The following HECTD4 variants were observed in gnomAD, a reference collection of about 807,000 sequenced individuals.
HECTD4 encodes the protein probable E3 ubiquitin-protein ligase HECTD4.
Under a neutral mutation model 471.5 loss-of-function variants are expected in HECTD4, and 114 were observed. The observed-to-expected ratio is 0.24, with a 90% CI of 0.21 to 0.28. The LOEUF is 0.28. Among genes scored for constraint, HECTD4 ranks in the 10% least tolerant of loss-of-function variants. The probability of loss-of-function intolerance (pLI) is 1.00; values close to 1 mark genes in which losing one functional copy is unlikely to be tolerated. For synonymous variants in HECTD4, 2,012 were observed against 2,256.0 expected (o/e 0.89, Z 3.07); for missense variants, 3,866 against 5,651.5 (o/e 0.68, Z 10.13).
chr12:112,289,580 GT>G (rs957492971), intron 7 of HECTD4, among the ~76,000 whole-genome samples: 19 of 151,368 alleles, frequency 1.3e-4, no homozygotes, highest in East Asian at 1.9e-4. Context: ...TAATGTTTAG[GT>G]TTTTTTTTCT....
intron 62 of HECTD4, among the ~76,000 whole-genome samples, chr12:112,182,495 G>A (rs2031713743): frequency 6.6e-6 from 1 of 152,140 alleles, no homozygotes. Flanking sequence ...GGACGGAACT[G>A]TTTCTTTCCC....
intron 1 of HECTD4, among the ~76,000 whole-genome samples, chr12:112,376,449 T>C (rs1302118701): frequency 6.6e-6 from 1 of 152,044 alleles, no homozygotes; most frequent in Non-Finnish European, 1.5e-5. Flanking sequence ...GGTTTCACCG[T>C]GTTAGCCAGG....
chr12:112,206,900 T>C (rs553126035), intron 52 of HECTD4, among the ~76,000 whole-genome samples: 1 of 152,196 alleles, frequency 6.6e-6, no homozygotes, highest in Non-Finnish European at 1.5e-5. Context: ...TTTTATTCAC[T>C]GGTCTTACTG....
chr12:112,300,512 T>A (rs2035142192), intron 7 of HECTD4, among the ~76,000 whole-genome samples: 1 of 152,192 alleles, frequency 6.6e-6, no homozygotes, highest in South Asian at 2.1e-4. Flanking sequence ...TGAAATTTCA[T>A]GATGGTGTGG....
At chr12:112,300,422 C>T (rs2035140408) in intron 7 of HECTD4, among the ~76,000 whole-genome samples, 1 of 151,896 alleles carries the variant, frequency 6.6e-6, no homozygotes, top group Non-Finnish European at 1.5e-5. Context: ...TAGCCTGGTG[C>T]TTTTCGAATT....
chr12:112,185,487 A>C lies in HECTD4; in HGVS notation c.9479T>G (p.Phe3160Cys). 1 of 1,543,518 alleles carries C rather than the reference A, an allele frequency of 6.5e-7. No homozygotes were observed. The change falls in exon 61 of 76, where the codon TTC becomes TGC. Residue 3160 changes from phenylalanine to cysteine, a missense_variant. By Grantham distance (205) the Phe-to-Cys change is radical (BLOSUM62 -2). Around this residue, in one of 16 missense-constraint regions of HECTD4, gnomAD observed 364 missense variants for 413.2 expected, o/e 0.88. Transcript: ENST00000682272. Reference protein sequence around the residue: ...LLQVVELLGNFLWTTDMAACV... With the variant: ...LLQVVELLGNCLWTTDMAACV... ...GGCTGCCATGTCCGTGGTCCACAAG[A>C]AGTTTCCTGAGGCAAATGAAAATAG... is the stretch of plus-strand genomic sequence containing the variant.
At chr12:112,298,261 T>C (rs1171303595) in intron 7 of HECTD4, among the ~76,000 whole-genome samples, 1 of 152,088 alleles carries the variant, frequency 6.6e-6, no homozygotes, top group Non-Finnish European at 1.5e-5. Flanking sequence ...AACGTATCTG[T>C]ATGCTGTGGT....
chr12:112,165,629 G>A (rs963712872), intron 72 of HECTD4, among the ~76,000 whole-genome samples: 16 of 151,388 alleles, frequency 1.1e-4, no homozygotes, highest in African/African-American at 2.7e-4. Context: ...GGGATTACAG[G>A]CGTGAGCCAC....
chr12:112,304,741 C>T (rs1040088700), intron 7 of HECTD4, among the ~76,000 whole-genome samples: 2 of 151,178 alleles, frequency 1.3e-5, no homozygotes, highest in African/African-American at 4.9e-5. Flanking sequence ...CAGACCAATT[C>T]AAAGATTCAC....
chr12:112,240,062 A>G lies in HECTD4; in HGVS notation c.4959-35T>C, dbSNP rs2033603333. ...AGAAACCAAAGCTCAGGCTTCCTGA[A>G]CCATGTCAAGAACAGTGGCTGAGCA... On this transcript the variant is annotated intron_variant, in intron 32 of 75. Coordinates refer to ENST00000682272, the MANE Select transcript of HECTD4 (RefSeq NM_001388303.1). 4 of 1,610,596 alleles carry G rather than the reference A, an allele frequency of 2.5e-6. No individual in the cohort carries two copies. The South Asian group carries it at 4.4e-5, about 18-fold the overall frequency.
intron 2 of HECTD4, among the ~76,000 whole-genome samples, chr12:112,315,816 A>G (rs2035466667): frequency 6.6e-6 from 1 of 151,314 alleles, no homozygotes. Context: ...GGATTGCTTG[A>G]ACACAGGAGT....
chr12:112,234,912 T>A (rs1386891898), intron 37 of HECTD4, among the ~76,000 whole-genome samples, 165 bp downstream of exon 37: 2 of 152,222 alleles, frequency 1.3e-5, no homozygotes, highest in African/African-American at 4.8e-5. Flanking sequence ...CAGCTCTGCC[T>A]CAGTTTCTTT....
At chr12:112,237,163 G>A in intron 34 of HECTD4, 65 bp from the exon 35 acceptor site, 1 of 1,439,914 alleles carries the variant, frequency 6.9e-7, no homozygotes, top group East Asian at 2.5e-5. Flanking sequence ...GTGAGCCTGA[G>A]GGGGCGGCGA....
At chr12:112,180,414 C>T (rs1330125744) in intron 62 of HECTD4, among the ~76,000 whole-genome samples, 2 of 151,940 alleles carry the variant, frequency 1.3e-5, no homozygotes, top group Non-Finnish European at 2.9e-5. Flanking sequence ...GTGTGCCTGT[C>T]TTCTCAGCTA....
intron 1 of HECTD4, among the ~76,000 whole-genome samples, chr12:112,367,895 C>T (rs1007273369): frequency 3.3e-5 from 5 of 150,758 alleles, no homozygotes; most frequent in Non-Finnish European, 5.9e-5. Context: ...CTACTCTGCC[C>T]CATAAATAGC....
At position 112,167,935 on chromosome 12, in the gene HECTD4, C is replaced by T. The variant is rs2031043627; in HGVS notation, c.12209-18G>A. 2.5e-6 allele frequency: 4 copies of T among 1,600,470 alleles called. No homozygotes were observed. In the South Asian group the frequency reaches 3.3e-5, roughly 13 times the overall value. On this transcript the variant is annotated intron_variant, in intron 70 of 75. Coordinates refer to ENST00000682272, the MANE Select transcript of HECTD4 (RefSeq NM_001388303.1). Reference sequence around the variant, plus strand: ...AGAGCCGCCTGTAGGACAGACGAGACACATGGGCACCTGGGGTGTCCCGGC... The same window carrying T: ...AGAGCCGCCTGTAGGACAGACGAGATACATGGGCACCTGGGGTGTCCCGGC...
At position 112,162,527 on chromosome 12, in the gene HECTD4, C is replaced by A. The variant is rs2030728561; in HGVS notation, c.13121-4G>T. On this transcript the variant is annotated splice_region_variant and splice_polypyrimidine_tract_variant and intron_variant, in intron 75 of 75. Transcript: ENST00000682272. The surrounding 1 kb of genome is among the most constrained non-coding windows in gnomAD (Gnocchi z 5.2). ...ATGTAGCGAGAGTCTGGGGAACCTA[C>A]AAGAAACCGAGCCAGCATCAGAGGG... The A allele has an allele frequency of 6.2e-7, 1 of 1,613,834 alleles. No homozygotes were observed. The highest frequency in any genetic ancestry group is 1.1e-5 in the South Asian group (1 of 91,082).
At chr12:112,168,928 G>A (rs772182606) in intron 70 of HECTD4, among the ~76,000 whole-genome samples, 5 of 152,322 alleles carry the variant, frequency 3.3e-5, no homozygotes, top group South Asian at 4.1e-4. Flanking sequence ...AGGCAGCTGC[G>A]TTCCCGTGGG....
In HECTD4 at chr12:112,265,903, C is replaced by G; in HGVS notation, c.2473G>C (p.Gly825Arg). The part of the protein sequence containing the change: ...LAEQLQNNRF[G>R]SDEDDHYRLN... ...CTGTAATGATCATCCTCATCACTGC[C>G]AAATCGGTTGTTTTGGAGCTGTTCA... is the stretch of plus-strand genomic sequence containing the variant. The change falls in exon 15 of 76, where the codon GGC becomes CGC. Residue 825 changes from glycine to arginine, a missense_variant. Gly to Arg is a moderately radical substitution (Grantham distance 125). Around this residue, in one of 16 missense-constraint regions of HECTD4, gnomAD observed 525 missense variants for 672.6 expected, o/e 0.78. Coordinates refer to ENST00000682272, the MANE Select transcript of HECTD4 (RefSeq NM_001388303.1). 6.2e-7 allele frequency: 1 copy of G among 1,613,818 alleles called. No individual in the cohort carries two copies. The highest frequency in any genetic ancestry group is 8.5e-7 in the Non-Finnish European group (1 of 1,179,778).
Sources: allele counts gnomAD v4.1 joint callset (sites outside exome capture counted in the v4.1 genomes callset), GRCh38; gene constraint gnomAD v4.1.1; regional missense constraint gnomAD v4.1.1; non-coding constraint Gnocchi (gnomAD v3.1); transcripts MANE v1.5; gene names NCBI Gene and HGNC (gene_info 2026-07-23, HGNC 2026-07-21).